The following TEX11 variants were observed in gnomAD, a reference collection of about 807,000 sequenced individuals.
The protein encoded by TEX11 is testis-expressed protein 11.
TEX11 carries 7 observed loss-of-function variants against 84.4 expected under a neutral mutation model. That is an observed-to-expected ratio of 0.08 (90% CI 0.05 to 0.16). TEX11 has a LOEUF of 0.16. Among genes scored for constraint, TEX11 ranks in the 10% least tolerant of loss-of-function variants. TEX11 has a pLI of 1.00. For missense variants in TEX11, 551 were observed against 660.5 expected (o/e 0.83, Z 1.82); for synonymous variants, 264 against 222.8 (o/e 1.18, Z -1.64).
chrX:70,792,649 A>T (rs2091131486), intron 9 of TEX11, among the ~76,000 whole-genome samples: 1 of 109,455 alleles, frequency 9.1e-6, no homozygotes, highest in African/African-American at 3.3e-5. Context: ...ACAGACTGGT[A>T]GCTAAATTAA....
At chrX:70,661,958 T>G (rs1023261498) in intron 16 of TEX11, among the ~76,000 whole-genome samples, 1 of 111,983 alleles carries the variant, frequency 8.9e-6, no homozygotes, top group Non-Finnish European at 1.9e-5. Flanking sequence ...AAAATCAGAT[T>G]GCCTCTCCTC....
intron 25 of TEX11, among the ~76,000 whole-genome samples, chrX:70,557,305 TAA>T (rs145004457): frequency 8.5e-4 from 79 of 93,028 alleles, no homozygotes; most frequent in Middle Eastern, 5.8e-3. Context: ...CCCATCTCTA[TAA>T]AAAAAAAAAA....
At chrX:70,801,667 T>C (rs59252291) in intron 9 of TEX11, among the ~76,000 whole-genome samples, 11 of 95,462 alleles carry the variant, frequency 1.2e-4, no homozygotes, top group South Asian at 9.9e-4. Flanking sequence ...CTTTCTTTCT[T>C]TCTTTCTTTC....
intron 9 of TEX11, among the ~76,000 whole-genome samples, chrX:70,788,357 CCA>C (rs1419747330): frequency 9.0e-6 from 1 of 110,825 alleles, no homozygotes; most frequent in African/African-American, 3.3e-5. Flanking sequence ...AGAAATGAAC[CCA>C]CACATGTGTG....
At chrX:70,898,274 C>T (rs746545363) in intron 2 of TEX11, among the ~76,000 whole-genome samples, 31 of 111,627 alleles carry the variant, frequency 2.8e-4, no homozygotes, top group Non-Finnish European at 4.7e-4. Context: ...GAGTGGAAGA[C>T]GCTACAGCAA....
intron 8 of TEX11, among the ~76,000 whole-genome samples, chrX:70,826,984 G>T (rs745464418): frequency 9.0e-6 from 1 of 111,319 alleles, no homozygotes; most frequent in East Asian, 2.8e-4. Flanking sequence ...AGGCAATAAA[G>T]CTCGTAGCAA....
At chrX:70,827,327 C>G in intron 8 of TEX11, among the ~76,000 whole-genome samples, 1 of 111,640 alleles carries the variant, frequency 9.0e-6, no homozygotes, top group Middle Eastern at 4.6e-3. Flanking sequence ...CAGGGGACAC[C>G]CAGCACATTC....
At chrX:70,598,164 G>T (rs2089034805) in intron 24 of TEX11, among the ~76,000 whole-genome samples, 1 of 112,094 alleles carries the variant, frequency 8.9e-6, no homozygotes, top group African/African-American at 3.2e-5. Context: ...TTGGGTGACA[G>T]AACAAGACTC....
chrX:70,691,748 C>T (rs1383497756), intron 13 of TEX11, among the ~76,000 whole-genome samples: 2 of 110,895 alleles, frequency 1.8e-5, no homozygotes, highest in African/African-American at 3.3e-5. Context: ...TAATGTACAG[C>T]ATGGCGACTA....
chrX:70,608,654 T>C (rs1260624964), intron 22 of TEX11, among the ~76,000 whole-genome samples: 2 of 104,620 alleles, frequency 1.9e-5, no homozygotes, highest in Non-Finnish European at 3.9e-5. Flanking sequence ...GGCAGGAGAA[T>C]GGTGTGAACC....
At chrX:70,640,892 A>C (rs2089648042) in intron 17 of TEX11, among the ~76,000 whole-genome samples, 1 of 110,724 alleles carries the variant, frequency 9.0e-6, no homozygotes, top group East Asian at 2.8e-4. Context: ...TAACATCATA[A>C]TGACAGGATC....
At position 70,850,384 on chromosome X, in the gene TEX11, G is replaced by A. The variant is rs754609814; in HGVS notation, c.525+2650C>T. On this transcript the variant is annotated intron_variant, in intron 7 of 29. Transcript: ENST00000374333. ...GTATCTATTAACATAGCCTAGGACT[G>A]TGCTAGCTTTTTTTGCAGTTACGTC... Among the ~76,000 whole-genome samples, 6 of 111,211 alleles carry A rather than the reference G, an allele frequency of 5.4e-5. No homozygotes were observed. In the South Asian group the frequency reaches 1.5e-3, roughly 28 times the overall value.
rs760338939 is a variant in TEX11 at position 70,730,506 on chromosome X, C to G, written c.844-5163G>C. 9.6e-3 allele frequency among the ~76,000 whole-genome samples: 1,074 copies of G among 111,464 alleles called. 6 individuals carry two copies. Among genetic ancestry groups the G allele is most frequent in the Middle Eastern group, 0.019 (4 of 215 alleles). On this transcript the variant is annotated intron_variant, in intron 11 of 29. Transcript: ENST00000374333. ...AACAAAGGCAGGGGTTGCAATCTTA[C>G]TCTCTGATAATACAGACTTTAAACC...
chrX:70,590,063 C>T (rs1357141342), intron 25 of TEX11, among the ~76,000 whole-genome samples: 1 of 111,816 alleles, frequency 8.9e-6, no homozygotes, highest in Admixed American at 9.5e-5. Context: ...TTCAGGTCTT[C>T]CTTGACATCA....
chrX:70,717,658 A>C (rs2090518748), intron 13 of TEX11, among the ~76,000 whole-genome samples: 1 of 111,948 alleles, frequency 8.9e-6, no homozygotes, highest in South Asian at 3.7e-4. Flanking sequence ...CTGCATGCTT[A>C]GCTTTCATTG....
chrX:70,776,051 G>GAA (rs150813306), intron 9 of TEX11, among the ~76,000 whole-genome samples: 1 of 62,657 alleles, frequency 1.6e-5, no homozygotes, highest in African/African-American at 4.6e-5. Context: ...AGATTTCTCA[G>GAA]AAAAAAAAAA....
intron 2 of TEX11, among the ~76,000 whole-genome samples, chrX:70,890,370 A>G (rs1260936267): frequency 9.0e-6 from 1 of 111,622 alleles, no homozygotes; most frequent in Non-Finnish European, 1.9e-5. Flanking sequence ...ACGGAGGGTG[A>G]GCCAAAGCAG....
chrX:70,844,225 C>T (rs2091464833), intron 7 of TEX11, among the ~76,000 whole-genome samples: 2 of 109,770 alleles, frequency 1.8e-5, no homozygotes, highest in African/African-American at 6.7e-5. Context: ...TGTCCAATAA[C>T]GATAGACTGG....
chrX:70,694,138 G>A (rs1165132937), intron 13 of TEX11, among the ~76,000 whole-genome samples: 2 of 110,891 alleles, frequency 1.8e-5, no homozygotes, highest in Non-Finnish European at 3.8e-5. Flanking sequence ...TCCACCTCCC[G>A]GGTTCAAGTG....
Sources: allele counts gnomAD v4.1 joint callset (sites outside exome capture counted in the v4.1 genomes callset), GRCh38; gene constraint gnomAD v4.1.1; transcripts MANE v1.5; gene names NCBI Gene and HGNC (gene_info 2026-07-23, HGNC 2026-07-21).